EXOC4: variants seen among roughly 807,000 people sequenced by gnomAD.
The protein encoded by EXOC4 is exocyst complex component 4.
In EXOC4, 71 loss-of-function variants were observed where a neutral mutation model predicts 107.2. That is an observed-to-expected ratio of 0.66 (90% CI 0.55 to 0.81). EXOC4 has a LOEUF of 0.81. Ranked by LOEUF, EXOC4 falls within the 30% of genes least tolerant of loss-of-function variation. The pLI, the probability that EXOC4 is intolerant of heterozygous loss-of-function variation, is 0.00. For synonymous variants in EXOC4, 456 were observed against 441.2 expected, an observed-to-expected ratio of 1.03 and a Z score of -0.42; for missense variants, 1,108 against 1,189.6, an observed-to-expected ratio of 0.93 and a Z score of 1.01.
At chr7:133,581,619 G>A (rs1585011513) in intron 9 of EXOC4, among the ~76,000 whole-genome samples, 1 of 151,494 alleles carries the variant, frequency 6.6e-6, no homozygotes, top group Non-Finnish European at 1.5e-5. Context: ...TTAGCCGGGC[G>A]TGGTGGTGGG....
intron 10 of EXOC4, among the ~76,000 whole-genome samples, chr7:133,751,680 C>G (rs1283601513): frequency 1.3e-5 from 2 of 152,098 alleles, no homozygotes; most frequent in Non-Finnish European, 2.9e-5. Flanking sequence ...ATATATAGCT[C>G]TTTTTGTCAC....
At chr7:133,380,658 A>G (rs1490228656) in intron 7 of EXOC4, among the ~76,000 whole-genome samples, 2 of 152,104 alleles carry the variant, frequency 1.3e-5, no homozygotes, top group African/African-American at 4.8e-5. Flanking sequence ...AGTTTAAGAG[A>G]AAGTAGACAA....
intron 13 of EXOC4, among the ~76,000 whole-genome samples, chr7:133,928,333 C>T (rs149643497): frequency 2.6e-5 from 4 of 152,258 alleles, no homozygotes; most frequent in African/African-American, 4.8e-5. Context: ...GAGACAAGGG[C>T]AAGCGGTGAG....
chr7:133,961,880 G>C (rs551010736), intron 14 of EXOC4, among the ~76,000 whole-genome samples: 1 of 152,216 alleles, frequency 6.6e-6, no homozygotes, highest in East Asian at 1.9e-4. Context: ...CAGGTAGGAA[G>C]CAGGCTGTGG....
chr7:133,702,997 T>G (rs1362507478), intron 10 of EXOC4, among the ~76,000 whole-genome samples: 1 of 152,230 alleles, frequency 6.6e-6, no homozygotes, highest in African/African-American at 2.4e-5. Flanking sequence ...AACTGAAGCC[T>G]CATTATCAAT....
intron 5 of EXOC4, among the ~76,000 whole-genome samples, chr7:133,343,559 GA>G (rs1795714970): frequency 6.6e-6 from 1 of 151,412 alleles, no homozygotes; most frequent in Admixed American, 6.6e-5. Context: ...TTACAGACAT[GA>G]GCCACGCACT....
intron 5 of EXOC4, among the ~76,000 whole-genome samples, chr7:133,340,218 A>C (rs559229788): frequency 1.3e-5 from 2 of 152,248 alleles, no homozygotes; most frequent in African/African-American, 4.8e-5. Context: ...TTTAATCATA[A>C]AGTGATGCTG....
At chr7:133,837,122 A>G (rs1047356403) in intron 11 of EXOC4, among the ~76,000 whole-genome samples, 3 of 151,498 alleles carry the variant, frequency 2.0e-5, no homozygotes, top group Non-Finnish European at 4.4e-5. Context: ...GGTACAATGG[A>G]AAAAACTTTG....
chr7:133,787,888 A>G (rs564339386), intron 10 of EXOC4, among the ~76,000 whole-genome samples: 142 of 146,362 alleles, frequency 9.7e-4, no homozygotes, highest in Admixed American at 1.7e-3. Flanking sequence ...TAGCACTTGT[A>G]AAGGTTAAAT....
chr7:133,548,151 A>G (rs569046141), intron 9 of EXOC4, among the ~76,000 whole-genome samples: 31 of 152,204 alleles, frequency 2.0e-4, no homozygotes, highest in Admixed American at 1.8e-3. Flanking sequence ...ACATTTCACT[A>G]GTGTTTACAG....
intron 14 of EXOC4, among the ~76,000 whole-genome samples, chr7:133,985,794 A>G (rs1201179434): frequency 1.3e-5 from 2 of 152,180 alleles, no homozygotes; most frequent in Non-Finnish European, 2.9e-5. Context: ...ATATATTACC[A>G]ATTATGTGAC....
intron 10 of EXOC4, among the ~76,000 whole-genome samples, chr7:133,642,583 T>G (rs1802884619): frequency 1.3e-5 from 2 of 152,182 alleles, no homozygotes; most frequent in South Asian, 4.1e-4. Context: ...CTTTTGATAC[T>G]TGTTGCCATT....
At chr7:133,320,124 C>T (rs1484307884) in intron 5 of EXOC4, among the ~76,000 whole-genome samples, 1 of 152,038 alleles carries the variant, frequency 6.6e-6, no homozygotes, top group South Asian at 2.1e-4. Context: ...GAGCCAGGTT[C>T]GACTATGCTC....
At chr7:134,061,126 G>T (rs1337040177) in intron 17 of EXOC4, among the ~76,000 whole-genome samples, 1 of 152,134 alleles carries the variant, frequency 6.6e-6, no homozygotes, top group Non-Finnish European at 1.5e-5. Flanking sequence ...TTGTTTTGTT[G>T]TTTGCTCCCA....
rs35833319 is a variant in EXOC4, at chr7:133,610,986, A to AT, written c.1418-19042dup. Among the ~76,000 whole-genome samples, 65 of 116,788 alleles carry AT rather than the reference A, an allele frequency of 5.6e-4. 2 individuals are homozygous for AT. The highest frequency in any genetic ancestry group is 1.7e-3 in the African/African-American group (53 of 31,346). 76.6% of individuals were successfully genotyped at this position (116,788 alleles called of 152,430 possible). ...ACCACGATTCCTGGCTGTTTTCTCT[A>AT]TTTTTTTTTTTTTTTTTGTAGAGAT... On this transcript the variant is annotated intron_variant, in intron 9 of 17. Transcript: ENST00000253861.
At chr7:133,848,149 A>C (rs1798170558) in intron 11 of EXOC4, among the ~76,000 whole-genome samples, 1 of 152,112 alleles carries the variant, frequency 6.6e-6, no homozygotes, top group African/African-American at 2.4e-5. Context: ...GCACCTGGAA[A>C]TGTGCGTGTG....
intron 5 of EXOC4, among the ~76,000 whole-genome samples, chr7:133,345,422 T>C (rs1795761817): frequency 6.6e-6 from 1 of 152,174 alleles, no homozygotes; most frequent in African/African-American, 2.4e-5. Context: ...ACCTAAAACA[T>C]TTTAGTGATT....
intron 11 of EXOC4, among the ~76,000 whole-genome samples, chr7:133,870,181 T>A (rs1030706916): frequency 6.6e-6 from 1 of 152,150 alleles, no homozygotes; most frequent in East Asian, 1.9e-4. Context: ...TTTTCAAATA[T>A]CTTAAGCAAT....
chr7:134,064,149 G>A (rs1266245057), intron 17 of EXOC4, 142 bp from the exon 18 acceptor site: 1 of 458,812 alleles, frequency 2.2e-6, no homozygotes, highest in African/African-American at 2.0e-5. Flanking sequence ...TCTTTATTCT[G>A]TTGGTGGGGC....
Sources: gnomAD v4.1 joint callset for allele counts (sites outside exome capture counted in the v4.1 genomes callset) on GRCh38, gnomAD v4.1.1 for gene constraint, MANE v1.5 for transcripts, NCBI Gene and HGNC (gene_info 2026-07-23, HGNC 2026-07-21) for gene names.